REDIC1: variants seen among roughly 807,000 people sequenced by gnomAD.
REDIC1 encodes the protein HEI10 Interacting Protein 1.
chr12:39,637,346 C>A, the REDIC1 span, among the ~76,000 whole-genome samples: 1 of 151,960 alleles, frequency 6.6e-6, no homozygotes, highest in African/African-American at 2.4e-5. Context: ...GTACATATTT[C>A]TTTAAAAATT....
At chr12:39,725,453 C>T in the REDIC1 span, among the ~76,000 whole-genome samples, 1 of 152,008 alleles carries the variant, frequency 6.6e-6, no homozygotes, top group Non-Finnish European at 1.5e-5. Context: ...AACTATTTTC[C>T]TATTTCTCAT....
At chr12:39,693,085 G>A in the REDIC1 span, among the ~76,000 whole-genome samples, 2 of 151,998 alleles carry the variant, frequency 1.3e-5, no homozygotes, top group African/African-American at 4.8e-5. Flanking sequence ...TTCCTTTTCT[G>A]AAGTTTGGTT....
chr12:39,715,887 C>T, the REDIC1 span, among the ~76,000 whole-genome samples: 4 of 152,042 alleles, frequency 2.6e-5, no homozygotes, highest in Admixed American at 6.6e-5. Flanking sequence ...ATATTCTACC[C>T]TTCACTTTTG....
At chr12:39,764,979 T>C in the REDIC1 span, 16 of 1,163,562 alleles carry the variant, frequency 1.4e-5, no homozygotes, top group South Asian at 2.0e-4. Context: ...AAAATGTTTT[T>C]CTTAAAAAAT....
At chr12:39,731,557 C>T in the REDIC1 span, among the ~76,000 whole-genome samples, 1 of 152,188 alleles carries the variant, frequency 6.6e-6, no homozygotes, top group Non-Finnish European at 1.5e-5. Context: ...CAGATGCCAG[C>T]TGGAGCTCTC....
the REDIC1 span, among the ~76,000 whole-genome samples, chr12:39,732,698 G>A: frequency 6.6e-6 from 1 of 152,142 alleles, no homozygotes; most frequent in Non-Finnish European, 1.5e-5. Flanking sequence ...ATCCTCTGAA[G>A]ATGAGTATTA....
chr12:39,713,022 T>C, the REDIC1 span, among the ~76,000 whole-genome samples: 8 of 144,544 alleles, frequency 5.5e-5, no homozygotes, highest in African/African-American at 1.8e-4. Context: ...CATGTGTATA[T>C]ACGTGTATAT....
At chr12:39,712,153 C>CGTGTATATGTACATGTATATATACCTGT in the REDIC1 span, among the ~76,000 whole-genome samples, 7 of 95,072 alleles carry the variant, frequency 7.4e-5, no homozygotes, top group Non-Finnish European at 1.4e-4. Context: ...TACATCTATA[C>CGTGTATATGTACATGTATATATACCTGT]ATGTATATGT....
the REDIC1 span, among the ~76,000 whole-genome samples, chr12:39,754,667 A>T: frequency 1.3e-5 from 2 of 152,078 alleles, no homozygotes; most frequent in African/African-American, 4.8e-5. Flanking sequence ...ACGATTGTTC[A>T]TTTTCACTTA....
At chr12:39,898,648 G>A in the REDIC1 span, among the ~76,000 whole-genome samples, 4 of 152,210 alleles carry the variant, frequency 2.6e-5, no homozygotes, top group South Asian at 8.3e-4. Context: ...CTCACACTAT[G>A]AGAGACATAC....
chr12:39,780,332 C>T, the REDIC1 span, among the ~76,000 whole-genome samples: 12 of 152,248 alleles, frequency 7.9e-5, no homozygotes, highest in South Asian at 2.3e-3. Flanking sequence ...ATATGGAAAC[C>T]TCTCTTGAGG....
chr12:39,784,305 C>T, the REDIC1 span, among the ~76,000 whole-genome samples: 4 of 152,258 alleles, frequency 2.6e-5, no homozygotes, highest in African/African-American at 7.2e-5. Context: ...GGAGGCATCA[C>T]GCTACCTGAC....
At chr12:39,704,656 A>G in the REDIC1 span, among the ~76,000 whole-genome samples, 1 of 152,218 alleles carries the variant, frequency 6.6e-6, no homozygotes, top group Non-Finnish European at 1.5e-5. Context: ...ACAATAGCAA[A>G]GACTTGGAAC....
the REDIC1 span, among the ~76,000 whole-genome samples, chr12:39,779,497 G>A: frequency 9.9e-5 from 15 of 151,982 alleles, no homozygotes; most frequent in African/African-American, 1.7e-4. Context: ...TTCCCCAGGC[G>A]TCATAGGCCA....
chr12:39,812,241 A>G, the REDIC1 span, among the ~76,000 whole-genome samples: 1 of 151,924 alleles, frequency 6.6e-6, no homozygotes, highest in African/African-American at 2.4e-5. Flanking sequence ...CCCCTTTATA[A>G]AGGCACTTAT....
the REDIC1 span, among the ~76,000 whole-genome samples, chr12:39,818,553 A>G: frequency 6.6e-6 from 1 of 152,164 alleles, no homozygotes; most frequent in African/African-American, 2.4e-5. Flanking sequence ...TTCTAATTAC[A>G]TAAGTAGCTT....
chr12:39,672,742 G>T, the REDIC1 span, among the ~76,000 whole-genome samples: 1 of 152,120 alleles, frequency 6.6e-6, no homozygotes, highest in African/African-American at 2.4e-5. Context: ...GGGTCCAACT[G>T]GTGTCTTACT....
chr12:39,789,426 C>T, the REDIC1 span, among the ~76,000 whole-genome samples: 1 of 152,128 alleles, frequency 6.6e-6, no homozygotes. Flanking sequence ...TATGAAAATA[C>T]ATCAGTTTAT....
the REDIC1 span, among the ~76,000 whole-genome samples, chr12:39,657,758 A>AT: frequency 1.3e-5 from 2 of 151,220 alleles, no homozygotes; most frequent in African/African-American, 4.9e-5. Context: ...CTTATTCTCT[A>AT]TTTTTTTCTG....
Sources: allele counts gnomAD v4.1 joint callset (sites outside exome capture counted in the v4.1 genomes callset), GRCh38; gene constraint gnomAD v4.1.1; transcripts MANE v1.5; gene names NCBI Gene and HGNC (gene_info 2026-07-23, HGNC 2026-07-21).